Variants in SYT1 observed in about 807,000 individuals in gnomAD.
SYT1 encodes synaptotagmin 1.
Under a neutral mutation model 44.8 loss-of-function variants are expected in SYT1, and 8 were observed. The ratio of observed to expected loss-of-function variants is 0.18; its 90% CI spans 0.10 to 0.32. The LOEUF (loss-of-function observed/expected upper bound fraction) is 0.32. Ranked by LOEUF, SYT1 falls within the 10% of genes least tolerant of loss-of-function variation. The probability of loss-of-function intolerance (pLI) is 1.00; values close to 1 mark genes in which losing one functional copy is unlikely to be tolerated. For missense variants in SYT1, 286 were observed against 509.3 expected (o/e 0.56, Z 4.22); for synonymous variants, 154 against 188.8 (o/e 0.82, Z 1.51).
At chr12:78,871,969 A>G (rs561510263) in intron 1 of SYT1, among the ~76,000 whole-genome samples, 80 of 152,050 alleles carry the variant, frequency 5.3e-4, no homozygotes, top group African/African-American at 1.9e-3. Context: ...AGATCATTCT[A>G]TGCCTGAAAG....
chr12:79,220,780 G>A (rs1227073095), intron 4 of SYT1, among the ~76,000 whole-genome samples: 1 of 151,912 alleles, frequency 6.6e-6, no homozygotes, highest in South Asian at 2.1e-4. Flanking sequence ...TTATATCATG[G>A]TCAGAAAAAA....
intron 2 of SYT1, among the ~76,000 whole-genome samples, chr12:79,013,961 A>G (rs1378303503): frequency 1.3e-5 from 2 of 151,764 alleles, no homozygotes; most frequent in African/African-American, 4.8e-5. Context: ...CCCCGTCTCT[A>G]TTAAAAATAC....
At chr12:79,146,710 T>G (rs994813304) in intron 3 of SYT1, among the ~76,000 whole-genome samples, 1 of 152,160 alleles carries the variant, frequency 6.6e-6, no homozygotes, top group Admixed American at 6.5e-5. Flanking sequence ...AATGATATGG[T>G]AGAAGAATAA....
Position 79,000,242 on chromosome 12 carries a change from A to G in SYT1, c.-84+22311A>G, listed in dbSNP as rs561716943. 1.7e-3 allele frequency among the ~76,000 whole-genome samples: 258 copies of G among 151,926 alleles called. 2 individuals are homozygous for G. Among genetic ancestry groups the G allele is most frequent in the African/African-American group, 5.9e-3 (246 of 41,440 alleles). The stretch of plus-strand genomic sequence containing the variant: ...CAAAATACCTCCCTTGCTGTTTAAC[A>G]TAAGTGGTATTTAAAAATGACTTTT... On this transcript the variant is annotated intron_variant, in intron 2 of 10. Coordinates refer to ENST00000261205, the MANE Select transcript of SYT1 (RefSeq NM_005639.3).
At chr12:79,290,771 A>G (rs916374673) in intron 5 of SYT1, among the ~76,000 whole-genome samples, 5 of 152,230 alleles carry the variant, frequency 3.3e-5, no homozygotes, top group Admixed American at 3.3e-4. Context: ...TGAAGTTGAA[A>G]TCATCAAAAT....
At chr12:79,228,552 T>A (rs1875664864) in intron 4 of SYT1, among the ~76,000 whole-genome samples, 1 of 152,184 alleles carries the variant, frequency 6.6e-6, no homozygotes, top group African/African-American at 2.4e-5. Context: ...TGACTGGTCC[T>A]TCTTTTGTTA....
intron 1 of SYT1, among the ~76,000 whole-genome samples, chr12:78,954,636 G>T (rs1206722811): frequency 1.3e-5 from 2 of 151,932 alleles, no homozygotes; most frequent in Admixed American, 6.6e-5. Flanking sequence ...TTACCCTACA[G>T]ATTTGTTTTC....
At chr12:79,264,553 T>G (rs557345598) in intron 4 of SYT1, among the ~76,000 whole-genome samples, 115 of 152,030 alleles carry the variant, frequency 7.6e-4, no homozygotes, top group Non-Finnish European at 1.2e-3. Context: ...AAGTCTATTG[T>G]TGTTGATGCA....
intron 1 of SYT1, among the ~76,000 whole-genome samples, chr12:78,926,227 G>C (rs1402245906): frequency 2.0e-5 from 3 of 151,952 alleles, no homozygotes; most frequent in Non-Finnish European, 2.9e-5. Flanking sequence ...CTCTGCAAGG[G>C]AAACAAATAA....
chr12:79,092,320 T>G (rs73353583), intron 3 of SYT1, among the ~76,000 whole-genome samples: 5,169 of 151,928 alleles, frequency 0.034, 174 homozygotes, highest in South Asian at 0.11. Context: ...TGTTTCCAAT[T>G]GTGTCCTATT....
chr12:78,996,730 C>T (rs1265201645), intron 2 of SYT1, among the ~76,000 whole-genome samples: 1 of 152,098 alleles, frequency 6.6e-6, no homozygotes, highest in Admixed American at 6.5e-5. Context: ...TTTTCCTGCT[C>T]AACTCTAGTT....
intron 4 of SYT1, among the ~76,000 whole-genome samples, chr12:79,269,532 G>A (rs949332384): frequency 6.6e-6 from 1 of 152,142 alleles, no homozygotes. Context: ...AGAAATGAAC[G>A]GTTAAATGAT....
intron 3 of SYT1, among the ~76,000 whole-genome samples, chr12:79,201,505 C>G (rs1026587133): frequency 1.3e-5 from 2 of 152,122 alleles, no homozygotes; most frequent in Non-Finnish European, 2.9e-5. Flanking sequence ...ATCTGACCTT[C>G]AAAATTATAG....
At chr12:79,052,838 A>G (rs890322282) in intron 3 of SYT1, among the ~76,000 whole-genome samples, 1 of 152,178 alleles carries the variant, frequency 6.6e-6, no homozygotes, top group Non-Finnish European at 1.5e-5. Flanking sequence ...AATGGCAATC[A>G]TTAAAAAGTC....
chr12:79,109,194 C>G (rs1443212418), intron 3 of SYT1, among the ~76,000 whole-genome samples: 2 of 152,340 alleles, frequency 1.3e-5, no homozygotes, highest in East Asian at 3.9e-4. Flanking sequence ...CCAGTGCGCA[C>G]TCCTCCCAAT....
At chr12:79,013,721 A>T (rs2137584307) in intron 2 of SYT1, among the ~76,000 whole-genome samples, 1 of 152,340 alleles carries the variant, frequency 6.6e-6, no homozygotes, top group African/African-American at 2.4e-5. Context: ...AGCCACTTTT[A>T]TTCTAGATAG....
intron 3 of SYT1, among the ~76,000 whole-genome samples, chr12:79,075,164 G>C (rs543312938): frequency 9.9e-5 from 15 of 152,236 alleles, no homozygotes; most frequent in African/African-American, 2.9e-4. Context: ...TGATGCAAAA[G>C]AGATACTAGG....
At chr12:78,904,115 T>C (rs1875820124) in intron 1 of SYT1, among the ~76,000 whole-genome samples, 1 of 152,086 alleles carries the variant, frequency 6.6e-6, no homozygotes, top group Non-Finnish European at 1.5e-5. Context: ...TAAACCAAAT[T>C]TACTAATTTT....
chr12:78,904,695 T>G (rs1450028931), intron 1 of SYT1, among the ~76,000 whole-genome samples: 2 of 152,142 alleles, frequency 1.3e-5, no homozygotes, highest in African/African-American at 4.8e-5. Context: ...TCTGCTCCAT[T>G]ACATGAGTAA....
Sources: allele counts gnomAD v4.1 joint callset (sites outside exome capture counted in the v4.1 genomes callset), GRCh38; gene constraint gnomAD v4.1.1; transcripts MANE v1.5; gene names NCBI Gene and HGNC (gene_info 2026-07-23, HGNC 2026-07-21).